The following POU1F1 variants were observed in gnomAD, a reference collection of about 807,000 sequenced individuals.
The protein encoded by POU1F1 is POU class 1 homeobox 1.
A neutral mutation model predicts 32.3 loss-of-function variants in POU1F1; 23 were observed. The observed-to-expected ratio is 0.71, with a 90% CI of 0.51 to 1.01. The LOEUF is 1.01. Among genes scored for constraint, POU1F1 ranks in the 50% least tolerant of loss-of-function variants. The pLI, the probability that POU1F1 is intolerant of heterozygous loss-of-function variation, is 0.00. For synonymous variants in POU1F1, 120 were observed against 115.6 expected, an observed-to-expected ratio of 1.04 and a Z score of -0.25; for missense variants, 323 against 341.6, an observed-to-expected ratio of 0.95 and a Z score of 0.43.
intron 1 of POU1F1, among the ~76,000 whole-genome samples, chr3:87,276,005 T>C (rs956270591): frequency 1.3e-5 from 2 of 152,176 alleles, no homozygotes; most frequent in African/African-American, 4.8e-5. Context: ...TTGCTCCTTA[T>C]TCTATAAATA....
At position 87,274,302 on chromosome 3, in the gene POU1F1, T is replaced by C. The variant is rs1232567363; in HGVS notation, c.143-884A>G. ...TTTTAAACACAAATCATCAAGTTGA[T>C]AGGGAGCACAAAATATTGACAATAA... On this transcript the variant is annotated intron_variant, in intron 1 of 5. Coordinates refer to ENST00000350375, the MANE Select transcript of POU1F1 (RefSeq NM_000306.4). 2.6e-5 allele frequency among the ~76,000 whole-genome samples: 4 copies of C among 152,124 alleles called. No homozygotes were observed. The East Asian group carries it at 7.7e-4, about 29-fold the overall frequency.
intron 1 of POU1F1, 43 bp from the exon 2 acceptor site, chr3:87,273,461 ATTTAGGAG>A (rs751213951): frequency 1.1e-5 from 17 of 1,610,744 alleles, no homozygotes; most frequent in Non-Finnish European, 1.4e-5. Context: ...GTGCACAAAC[ATTTAGGAG>A]TTTGGATCAA....
chr3:87,262,077 C>T lies in POU1F1; in HGVS notation c.598G>A (p.Val200Ile), dbSNP rs777062646. 8 of 1,614,118 alleles carry T rather than the reference C, an allele frequency of 5.0e-6. No individual in the cohort carries two copies. Among genetic ancestry groups the T allele is most frequent in the East Asian group, 2.2e-5 (1 of 44,876 alleles). Residue 200 changes from valine (V) to isoleucine (I), a missense_variant, in exon 4 of 6, where the codon GTA (valine) becomes ATA (isoleucine). Val to Ile is a conservative substitution (Grantham distance 29). Transcript: ENST00000350375. Reference protein sequence around the residue: ...LSKWLEEAEQVGALYNEKVGA... With the variant: ...LSKWLEEAEQIGALYNEKVGA... ...CAGAGACACAATTTAGTACCTCCTA[C>T]TTGCTCAGCTTCCTCCAGCCATTTG...
intron 1 of POU1F1, among the ~76,000 whole-genome samples, chr3:87,273,874 CTGTA>C (rs1706774838): frequency 6.6e-6 from 1 of 152,104 alleles, no homozygotes; most frequent in Non-Finnish European, 1.5e-5. Context: ...ATAAAGCAGT[CTGTA>C]TGAATGAATA....
chr3:87,269,114 T>C (rs185730094), intron 2 of POU1F1, among the ~76,000 whole-genome samples: 207 of 152,322 alleles, frequency 1.4e-3, no homozygotes, highest in Admixed American at 5.5e-3. Flanking sequence ...TATTTCCATA[T>C]ATTCCCCTCT....
At chr3:87,264,605 TTCTGC>T (rs1272765591) in intron 2 of POU1F1, 93 bp from the exon 3 acceptor site, 22 of 992,276 alleles carry the variant, frequency 2.2e-5, no homozygotes, top group Admixed American at 3.9e-5. Context: ...TAGCCCATTA[TTCTGC>T]TCTAGCCTGT....
chr3:87,265,302 A>G (rs1706597260), intron 2 of POU1F1, among the ~76,000 whole-genome samples: 1 of 152,122 alleles, frequency 6.6e-6, no homozygotes, highest in African/African-American at 2.4e-5. Context: ...GCAACTTTAT[A>G]TATGATAAGT....
intron 2 of POU1F1, among the ~76,000 whole-genome samples, chr3:87,269,518 C>T (rs1300708960): frequency 2.0e-5 from 3 of 151,762 alleles, no homozygotes; most frequent in African/African-American, 7.2e-5. Context: ...CCAAATAAAA[C>T]AAAGAACTAA....
chr3:87,264,237 A>G, intron 3 of POU1F1, 51 bp downstream of exon 3: 1 of 1,418,796 alleles, frequency 7.0e-7, no homozygotes, highest in South Asian at 1.2e-5. Flanking sequence ...TAACAGCAAT[A>G]AAGATTTGCA....
At chr3:87,270,878 C>T (rs1394169274) in intron 2 of POU1F1, among the ~76,000 whole-genome samples, 1 of 152,024 alleles carries the variant, frequency 6.6e-6, no homozygotes, top group African/African-American at 2.4e-5. Context: ...GATCTAATCT[C>T]TCATGAAGCA....
chr3:87,272,461 C>A (rs1246561466), intron 2 of POU1F1, among the ~76,000 whole-genome samples: 1 of 152,140 alleles, frequency 6.6e-6, no homozygotes, highest in Non-Finnish European at 1.5e-5. Context: ...AATAAACCAA[C>A]AAATGAAAAT....
chr3:87,273,460 C>T (rs772106853), intron 1 of POU1F1, 42 bp from the exon 2 acceptor site: 5 of 1,610,380 alleles, frequency 3.1e-6, no homozygotes, highest in African/African-American at 1.3e-5. Context: ...TGTGCACAAA[C>T]ATTTAGGAGT....
At position 87,264,386 on chromosome 3, in the gene POU1F1, T is replaced by C; in HGVS notation, c.341A>G (p.Lys114Arg). The change falls in exon 3 of 6, where the codon AAA becomes AGA. Residue 114 changes from lysine to arginine, a missense_variant. By Grantham distance (26) the Lys-to-Arg change is conservative. Coordinates refer to ENST00000350375, the MANE Select transcript of POU1F1 (RefSeq NM_000306.4). ...AADFKQELRRKSKLVEEPIDM... is the reference protein window; with the variant it reads ...AADFKQELRRRSKLVEEPIDM... ...TATTGGCTCTTCCACCAATTTACTT[T>C]TCCGCCTGAGTTCCTGCTTGAAATC... The C allele has an allele frequency of 6.2e-7, 1 of 1,613,964 alleles. No individual in the cohort carries two copies. Among genetic ancestry groups the C allele is most frequent in the Middle Eastern group, 1.6e-4 (1 of 6,062 alleles).
rs771621466 is a variant in POU1F1 at position 87,262,193 on chromosome 3, T to G, written c.482A>C (p.His161Pro). The change falls in exon 4 of 6, where the codon CAT (histidine) becomes CCT (proline). Residue 161 changes from histidine to proline, a missense_variant. By Grantham distance (77) the His-to-Pro change is moderately conservative. Coordinates refer to ENST00000350375, the MANE Select transcript of POU1F1 (RefSeq NM_000306.4). ...TGTTGTTTGACTGAATTCAGAGCCATGCACAGCTGCCAGGGCCTCCCCAAC... is the reference window on the plus strand; with the variant it reads ...TGTTGTTTGACTGAATTCAGAGCCAGGCACAGCTGCCAGGGCCTCCCCAAC... The part of the protein sequence containing the change: ...TNVGEALAAV[H>P]GSEFSQTTIC... 1.9e-6 allele frequency: 3 copies of G among 1,614,158 alleles called. No homozygotes were observed. Among genetic ancestry groups the G allele is most frequent in the Non-Finnish European group, 2.5e-6 (3 of 1,179,990 alleles).
intron 1 of POU1F1, among the ~76,000 whole-genome samples, chr3:87,274,006 G>A (rs1275169512): frequency 6.6e-6 from 1 of 152,130 alleles, no homozygotes; most frequent in African/African-American, 2.4e-5. Context: ...AAATCTCACT[G>A]CATTCAGAGT....
chr3:87,264,950 A>G (rs1005769681), intron 2 of POU1F1, among the ~76,000 whole-genome samples: 4 of 152,134 alleles, frequency 2.6e-5, no homozygotes, highest in African/African-American at 9.6e-5. Context: ...ATGGCACTAA[A>G]TGCTTCGGCT....
chr3:87,267,584 A>G (rs1706643162), intron 2 of POU1F1, among the ~76,000 whole-genome samples: 2 of 132,232 alleles, frequency 1.5e-5, no homozygotes, highest in Admixed American at 1.6e-4. Context: ...GTTTCCGTAA[A>G]ATTGTTTATT....
At chr3:87,271,751 C>T (rs1203219611) in intron 2 of POU1F1, among the ~76,000 whole-genome samples, 10 of 152,034 alleles carry the variant, frequency 6.6e-5, no homozygotes, top group Admixed American at 6.6e-4. Context: ...GCATGTTGAT[C>T]ATAAATAATC....
Position 87,264,387 on chromosome 3 carries a change from T to G in POU1F1, c.340A>C (p.Lys114Gln). The G allele has an allele frequency of 6.2e-7, 1 of 1,613,930 alleles. No homozygotes were observed. Among genetic ancestry groups the G allele is most frequent in the Non-Finnish European group, 8.5e-7 (1 of 1,179,882 alleles). The change falls in exon 3 of 6, where the codon AAA (lysine) becomes CAA (glutamine). Residue 114 changes from lysine (K) to glutamine (Q), a missense_variant. Physicochemically the swap from Lys to Gln is moderately conservative, Grantham distance 53 (BLOSUM62 1). Coordinates refer to ENST00000350375, the MANE Select transcript of POU1F1 (RefSeq NM_000306.4). ...AADFKQELRR[K>Q]SKLVEEPIDM... ...ATTGGCTCTTCCACCAATTTACTTT[T>G]CCGCCTGAGTTCCTGCTTGAAATCA... is the stretch of plus-strand genomic sequence containing the variant.
Sources: allele counts gnomAD v4.1 joint callset (sites outside exome capture counted in the v4.1 genomes callset), GRCh38; gene constraint gnomAD v4.1.1; transcripts MANE v1.5; gene names NCBI Gene and HGNC (gene_info 2026-07-23, HGNC 2026-07-21).